The following FGD4 variants were observed in gnomAD, a reference collection of about 807,000 sequenced individuals.
The protein encoded by FGD4 is FYVE, RhoGEF and PH domain containing 4.
A neutral mutation model predicts 102.0 loss-of-function variants in FGD4; 42 were observed. The observed-to-expected ratio is 0.41, with a 90% CI of 0.32 to 0.53. FGD4 has a LOEUF of 0.53. Among genes scored for constraint, FGD4 ranks in the 20% least tolerant of loss-of-function variants. FGD4 has a pLI of 0.21. For synonymous variants in FGD4, 380 were observed against 375.7 expected, an observed-to-expected ratio of 1.01 and a Z score of -0.13; for missense variants, 902 against 1,078.2, an observed-to-expected ratio of 0.84 and a Z score of 2.29.
rs56043079 is a variant in FGD4 at position 32,402,798 on chromosome 12, T to C, written c.166+2839T>C. ...CCATTCCCCTTACCATGATAAAATC[T>C]GTAATATCTGTAGGAGAATGATCTA... On this transcript the variant is annotated intron_variant, in intron 1 of 16. Coordinates refer to ENST00000534526, the MANE Select transcript of FGD4 (RefSeq NM_001370298.3). 6.2e-3 allele frequency among the ~76,000 whole-genome samples: 941 copies of C among 152,206 alleles called. 7 individuals carry two copies. The highest frequency in any genetic ancestry group is 0.031 in the Middle Eastern group (9 of 294).
chr12:32,466,216 TGA>T (rs1943249380), intron 1 of FGD4, among the ~76,000 whole-genome samples: 1 of 152,188 alleles, frequency 6.6e-6, no homozygotes, highest in Non-Finnish European at 1.5e-5. Context: ...CGACTAGCTT[TGA>T]GATATTCACT....
chr12:32,625,153 C>A (rs1396143541), intron 13 of FGD4, 85 bp downstream of exon 13: 8 of 1,189,116 alleles, frequency 6.7e-6, no homozygotes, highest in Admixed American at 3.5e-5. Context: ...GTTCTCCAAC[C>A]TTTTCCCTTT....
chr12:32,456,515 C>G (rs1386421556), intron 1 of FGD4, among the ~76,000 whole-genome samples: 1 of 152,028 alleles, frequency 6.6e-6, no homozygotes. Context: ...TTATTCTGCT[C>G]AAAACTCAAA....
chr12:32,526,392 C>G (rs1223540425), intron 1 of FGD4, among the ~76,000 whole-genome samples: 1 of 152,174 alleles, frequency 6.6e-6, no homozygotes, highest in African/African-American at 2.4e-5. Context: ...TGTGAATGCA[C>G]CAATCGACAC....
intron 15 of FGD4, among the ~76,000 whole-genome samples, chr12:32,636,961 C>T (rs1379021066): frequency 1.3e-5 from 2 of 150,768 alleles, no homozygotes; most frequent in Non-Finnish European, 3.0e-5. Flanking sequence ...ATCTCTGCCT[C>T]CCCGGTCCAA....
chr12:32,399,850 C>T lies in FGD4; in HGVS notation c.57C>T (p.Asn19=). Residue 19 remains asparagine, a synonymous_variant, in exon 1 of 17, where the codon AAC becomes AAT. Transcript: ENST00000534526. ...FRRVAIRRKS[N]PSYLPPGVPR... ...GGGTGGCGATCCGGCGGAAGTCCAA[C>T]CCCTCCTACCTGCCGCCCGGGGTGC... The T allele has an allele frequency of 1.3e-6, 2 of 1,531,464 alleles. No individual in the cohort carries two copies. Among genetic ancestry groups the T allele is most frequent in the Non-Finnish European group, 1.7e-6 (2 of 1,145,278 alleles). 94.9% of individuals were successfully genotyped at this position (1,531,464 alleles called of 1,614,324 possible).
Position 32,611,262 on chromosome 12 carries a change from A to C in FGD4, c.1728A>C (p.Ala576=). 6.2e-7 allele frequency: 1 copy of C among 1,614,234 alleles called. No homozygotes were observed. The highest frequency in any genetic ancestry group is 1.1e-5 in the South Asian group (1 of 91,088). Residue 576 remains alanine (A), a synonymous_variant, in exon 10 of 17, where the codon GCA becomes GCC. Coordinates refer to ENST00000534526, the MANE Select transcript of FGD4 (RefSeq NM_001370298.3). ...AACTAGCTGCTCGGAACACTTCAGCACAAGAACGCTACCTTTTCTTAGTGA... is the reference window on the plus strand; with the variant it reads ...AACTAGCTGCTCGGAACACTTCAGCCCAAGAACGCTACCTTTTCTTAGTGA... The part of the protein sequence containing the change: ...ILKLAARNTS[A]QERYLFLFNN...
intron 4 of FGD4, among the ~76,000 whole-genome samples, chr12:32,596,946 A>C (rs11052095): frequency 0.19 from 28,988 of 151,842 alleles, 2,788 homozygotes; most frequent in Middle Eastern, 0.27. Context: ...AAAAAAAAAA[A>C]AAACAAAAAG....
At chr12:32,596,690 C>A (rs796814128) in intron 4 of FGD4, among the ~76,000 whole-genome samples, 4 of 151,744 alleles carry the variant, frequency 2.6e-5, no homozygotes, top group African/African-American at 9.7e-5. Flanking sequence ...AATCCCAGCA[C>A]TTTGCGGGGC....
At chr12:32,411,826 T>G (rs1334024968) in intron 1 of FGD4, among the ~76,000 whole-genome samples, 2 of 152,014 alleles carry the variant, frequency 1.3e-5, no homozygotes, top group Non-Finnish European at 2.9e-5. Flanking sequence ...AGTACAAAAA[T>G]TCACAGGGTG....
chr12:32,488,702 A>G (rs1313032826), intron 1 of FGD4, among the ~76,000 whole-genome samples: 1 of 151,928 alleles, frequency 6.6e-6, no homozygotes, highest in Non-Finnish European at 1.5e-5. Context: ...GCACTTTAGG[A>G]GGCCAAGGTG....
intron 4 of FGD4, among the ~76,000 whole-genome samples, chr12:32,590,306 A>AT (rs1428744024): frequency 7.0e-6 from 1 of 142,946 alleles, no homozygotes; most frequent in Non-Finnish European, 1.5e-5. Flanking sequence ...GTGAGACTTC[A>AT]TCTAAAAAAA....
Position 32,625,658 on chromosome 12 carries a change from C to T in FGD4, c.2051C>T (p.Ala684Val). The change falls in exon 14 of 17, where the codon GCT becomes GTT. Residue 684 changes from alanine to valine, a missense_variant. Physicochemically the swap from Ala to Val is moderately conservative, Grantham distance 64 (BLOSUM62 0). Around this residue, in one of 2 missense-constraint regions of FGD4, gnomAD observed 459 missense variants for 619.0 expected, o/e 0.74. Transcript: ENST00000534526. ...GAATCTTTCTTCCCTTTTTAGACTG[C>T]TGAGCTAGGGAAAAGAGCCCCAAGA... is the stretch of plus-strand genomic sequence containing the variant. Reference protein sequence around the residue: ...DNDIHSEVSTAELGKRAPRWI... With the variant: ...DNDIHSEVSTVELGKRAPRWI... 6.2e-7 allele frequency: 1 copy of T among 1,613,788 alleles called. No homozygotes were observed. Among genetic ancestry groups the T allele is most frequent in the Non-Finnish European group, 8.5e-7 (1 of 1,179,910 alleles).
chr12:32,582,800 C>A, intron 4 of FGD4: 1 of 291,186 alleles, frequency 3.4e-6, no homozygotes, highest in South Asian at 4.7e-5. Context: ...TGCTGTATCC[C>A]TAATACTTAC....
rs1157108520 is a variant in FGD4 at position 32,481,127 on chromosome 12, CAAAAAAAAAAAAA to C, written c.166+81186_166+81198del. ...TGGGTGACAGAGTGAGACTCCGTCT[CAAAAAAAAAAAAA>C]AAAAAAAAAAAAAAAAAGCCGGGCG... On this transcript the variant is annotated intron_variant, in intron 1 of 16. Coordinates refer to ENST00000534526, the MANE Select transcript of FGD4 (RefSeq NM_001370298.3). Among the ~76,000 whole-genome samples the C allele has an allele frequency of 3.8e-3, 104 of 27,364 alleles. No homozygotes were observed. The South Asian group carries it at 0.067, about 18-fold the overall frequency. The allele number at this position is 27,364 out of a possible 152,430, so 18.0% of individuals were successfully genotyped here.
chr12:32,426,946 CTTCT>C (rs955172986), intron 1 of FGD4, among the ~76,000 whole-genome samples: 5 of 130,422 alleles, frequency 3.8e-5, no homozygotes, highest in African/African-American at 1.6e-4. Flanking sequence ...CTATCTGATT[CTTCT>C]TTCTTTTCTT....
At chr12:32,464,771 A>G (rs1327189451) in intron 1 of FGD4, among the ~76,000 whole-genome samples, 1 of 152,246 alleles carries the variant, frequency 6.6e-6, no homozygotes, top group African/African-American at 2.4e-5. Flanking sequence ...AGTTTCATAA[A>G]TGATAGAGCA....
At chr12:32,580,097 C>G (rs930396831) in intron 3 of FGD4, among the ~76,000 whole-genome samples, 16 of 152,172 alleles carry the variant, frequency 1.1e-4, no homozygotes, top group African/African-American at 3.1e-4. Context: ...TCATCTGATG[C>G]TCATTCTGTC....
intron 1 of FGD4, among the ~76,000 whole-genome samples, chr12:32,432,653 G>T (rs1942092787): frequency 6.6e-6 from 1 of 150,560 alleles, no homozygotes; most frequent in African/African-American, 2.4e-5. Context: ...ATTTTATAAA[G>T]TTGAGAGCAT....
Sources: gnomAD v4.1 joint callset for allele counts (sites outside exome capture counted in the v4.1 genomes callset) on GRCh38, gnomAD v4.1.1 for gene constraint, gnomAD v4.1.1 regional missense constraint, MANE v1.5 for transcripts, NCBI Gene and HGNC (gene_info 2026-07-23, HGNC 2026-07-21) for gene names.